Variants in THSD4 observed in about 807,000 individuals in gnomAD.
THSD4 encodes the protein thrombospondin type-1 domain-containing protein 4.
In THSD4, 69 loss-of-function variants were observed where a neutral mutation model predicts 119.0. That is an observed-to-expected ratio of 0.58 (90% CI 0.48 to 0.71). The LOEUF (loss-of-function observed/expected upper bound fraction) is 0.71. Ranked by LOEUF, THSD4 falls within the 30% of genes least tolerant of loss-of-function variation. The probability of loss-of-function intolerance (pLI) is 0.00; values close to 1 mark genes in which losing one functional copy is unlikely to be tolerated. For synonymous variants in THSD4, 524 were observed against 540.4 expected (o/e 0.97, Z 0.42); for missense variants, 1,393 against 1,391.1 (o/e 1.00, Z -0.02).
At chr15:71,323,256 C>G (rs2140362887) in intron 6 of THSD4, among the ~76,000 whole-genome samples, 1 of 152,206 alleles carries the variant, frequency 6.6e-6, no homozygotes, top group Non-Finnish European at 1.5e-5. Flanking sequence ...CTAGAAGGCG[C>G]CAATCGCAGG....
At chr15:71,208,711 C>G (rs1012352238) in intron 3 of THSD4, among the ~76,000 whole-genome samples, 19 of 151,916 alleles carry the variant, frequency 1.3e-4, no homozygotes, top group African/African-American at 4.1e-4. Context: ...GGGGTTTCAC[C>G]ATGTTGGCCA....
chr15:71,252,101 A>G (rs2044265796), intron 5 of THSD4, among the ~76,000 whole-genome samples: 1 of 152,172 alleles, frequency 6.6e-6, no homozygotes, highest in South Asian at 2.1e-4. Context: ...ATCCTGAATG[A>G]GCCTGATCTC....
intron 3 of THSD4, among the ~76,000 whole-genome samples, chr15:71,212,282 A>G (rs991222342): frequency 5.3e-5 from 8 of 152,250 alleles, no homozygotes; most frequent in African/African-American, 1.9e-4. Context: ...ATGGGGACTC[A>G]GATGGAATTT....
At chr15:71,431,766 T>A (rs1479573521) in intron 7 of THSD4, among the ~76,000 whole-genome samples, 1 of 152,170 alleles carries the variant, frequency 6.6e-6, no homozygotes, top group Non-Finnish European at 1.5e-5. Flanking sequence ...AAGGTATACA[T>A]GCTCCAGCAA....
intron 4 of THSD4, among the ~76,000 whole-genome samples, chr15:71,219,225 A>G (rs777477305): frequency 1.1e-4 from 17 of 152,190 alleles, no homozygotes; most frequent in Middle Eastern, 3.4e-3. Flanking sequence ...AGAAACCCTG[A>G]CACCCACGTC....
intron 6 of THSD4, among the ~76,000 whole-genome samples, chr15:71,262,674 G>T (rs1188548858): frequency 6.6e-6 from 1 of 152,094 alleles, no homozygotes; most frequent in Non-Finnish European, 1.5e-5. Flanking sequence ...AAAGCCAGAG[G>T]GGAGGCTGAG....
At chr15:71,643,856 AC>A (rs2050914148) in intron 7 of THSD4, among the ~76,000 whole-genome samples, 1 of 152,208 alleles carries the variant, frequency 6.6e-6, no homozygotes, top group Non-Finnish European at 1.5e-5. Flanking sequence ...GAAATTACAG[AC>A]AGTCTCTTTG....
At chr15:71,113,225 C>T (rs796849205), upstream of THSD4, among the ~76,000 whole-genome samples, 15 of 152,244 alleles carry the variant, frequency 9.9e-5, no homozygotes, top group African/African-American at 3.4e-4. Flanking sequence ...ATTATCTTGA[C>T]TTTAAAGAAA....
chr15:71,105,474 C>G (rs939473495), intron 1 of THSD4, among the ~76,000 whole-genome samples: 1 of 152,194 alleles, frequency 6.6e-6, no homozygotes, highest in African/African-American at 2.4e-5. Context: ...AAAGTTTCAA[C>G]CTTCTAATCC....
chr15:71,568,099 A>G (rs1251407579), intron 7 of THSD4, among the ~76,000 whole-genome samples: 1 of 152,124 alleles, frequency 6.6e-6, no homozygotes, highest in Non-Finnish European at 1.5e-5. Flanking sequence ...CACACCAAAA[A>G]GATACAAACT....
At chr15:71,498,859 CTTTT>C (rs56282942) in intron 7 of THSD4, among the ~76,000 whole-genome samples, 2 of 121,348 alleles carry the variant, frequency 1.6e-5, no homozygotes, top group African/African-American at 3.1e-5. Flanking sequence ...CCACATTGTA[CTTTT>C]TTTTTTTTTT....
At chr15:71,758,698 C>T (rs1454771990) in intron 15 of THSD4, among the ~76,000 whole-genome samples, 1 of 152,174 alleles carries the variant, frequency 6.6e-6, no homozygotes, top group East Asian at 1.9e-4. Flanking sequence ...GTTCTTGAGC[C>T]ACTTAGCATT....
At position 71,188,298 on chromosome 15, in the gene THSD4, C is replaced by T. The variant is rs371614484; in HGVS notation, c.100-26737C>T. On this transcript the variant is annotated intron_variant, in intron 3 of 17. Transcript: ENST00000261862. ...ACTCAAAAAAGGGGAGAGAGGCTGG[C>T]GAAGGTGTGGGAGCCGTGAGAGTTA... 5.9e-4 allele frequency among the ~76,000 whole-genome samples: 90 copies of T among 152,078 alleles called. 1 individual carries two copies. The highest frequency in any genetic ancestry group is 1.8e-3 in the African/African-American group (73 of 41,496).
At position 71,516,805 on chromosome 15, in the gene THSD4, T is replaced by C. The variant is rs78729361; in HGVS notation, c.1152+104982T>C. ...TGCTATCACATAGCTGTTAAAATCT[T>C]GTGTTCATTTTTTGTAGTACATAAT... On this transcript the variant is annotated intron_variant, in intron 7 of 17. Transcript: ENST00000261862. Among the ~76,000 whole-genome samples, 93 of 152,366 alleles carry C rather than the reference T, an allele frequency of 6.1e-4. 2 individuals are homozygous for C. In the East Asian group the frequency reaches 0.017, roughly 28 times the overall value.
intron 4 of THSD4, among the ~76,000 whole-genome samples, chr15:71,230,486 C>G (rs902033548): frequency 3.3e-5 from 5 of 152,256 alleles, no homozygotes; most frequent in Admixed American, 6.5e-5. Flanking sequence ...AGAGCGTTCA[C>G]TGAGGGCCAA....
At chr15:71,629,830 T>G (rs927042646) in intron 7 of THSD4, among the ~76,000 whole-genome samples, 1 of 152,178 alleles carries the variant, frequency 6.6e-6, no homozygotes, top group African/African-American at 2.4e-5. Context: ...TCATTTGGGA[T>G]GCGTGGTTTG....
At chr15:71,575,751 C>T (rs1301010761) in intron 7 of THSD4, among the ~76,000 whole-genome samples, 2 of 152,112 alleles carry the variant, frequency 1.3e-5, no homozygotes, top group African/African-American at 4.8e-5. Context: ...TATGAATAAT[C>T]CCTCTAAAGC....
chr15:71,303,334 C>A (rs1320834717), intron 6 of THSD4, among the ~76,000 whole-genome samples: 1 of 152,186 alleles, frequency 6.6e-6, no homozygotes, highest in Non-Finnish European at 1.5e-5. Context: ...AGGAGGGGGG[C>A]AGTCAGCATG....
At chr15:71,159,817 G>C (rs1313207675) in intron 3 of THSD4, among the ~76,000 whole-genome samples, 5 of 151,936 alleles carry the variant, frequency 3.3e-5, no homozygotes, top group Non-Finnish European at 7.4e-5. Flanking sequence ...GAATTCCTAT[G>C]TTGATTTGGG....
Sources: gnomAD v4.1 joint callset for allele counts (sites outside exome capture counted in the v4.1 genomes callset) on GRCh38, gnomAD v4.1.1 for gene constraint, MANE v1.5 for transcripts, NCBI Gene and HGNC (gene_info 2026-07-23, HGNC 2026-07-21) for gene names.